Variants in SGCZ observed in about 807,000 individuals in gnomAD.
The protein encoded by SGCZ is zeta-sarcoglycan.
A neutral mutation model predicts 41.3 loss-of-function variants in SGCZ; 40 were observed. The ratio of observed to expected loss-of-function variants is 0.97; its 90% CI spans 0.75 to 1.26. The LOEUF (loss-of-function observed/expected upper bound fraction) is 1.26, where lower values mean the gene tolerates loss of function less well. SGCZ is among the 50% of genes most tolerant of loss of function. The probability of loss-of-function intolerance (pLI) is 0.00; values close to 1 mark genes in which losing one functional copy is unlikely to be tolerated. For missense variants in SGCZ, 552 were observed against 369.8 expected (o/e 1.49, Z -4.04); for synonymous variants, 206 against 137.5 (o/e 1.50, Z -3.49).
intron 2 of SGCZ, among the ~76,000 whole-genome samples, chr8:14,408,864 T>C (rs1009002802): frequency 6.6e-6 from 1 of 152,240 alleles, no homozygotes; most frequent in African/African-American, 2.4e-5. Flanking sequence ...AGACCTTCTC[T>C]GAATTTTACT....
At chr8:14,838,102 T>A (rs562944356) in intron 1 of SGCZ, among the ~76,000 whole-genome samples, 109 of 152,248 alleles carry the variant, frequency 7.2e-4, no homozygotes, top group Non-Finnish European at 1.3e-3. Flanking sequence ...GAAAGTTAAA[T>A]CTCATGTTCT....
chr8:14,933,435 T>TA, intron 1 of SGCZ, among the ~76,000 whole-genome samples: 1 of 138,294 alleles, frequency 7.2e-6, no homozygotes, highest in East Asian at 2.0e-4. Context: ...TTTTTTCTTT[T>TA]TTTTTTTTTT....
rs527684188 is a variant in SGCZ, at chr8:14,093,810, C to G, written c.745-3173G>C. 2.0e-5 allele frequency among the ~76,000 whole-genome samples: 3 copies of G among 152,212 alleles called. No homozygotes were observed. In the South Asian group the frequency reaches 6.2e-4, roughly 32 times the overall value. On this transcript the variant is annotated intron_variant, in intron 7 of 7. Coordinates refer to ENST00000382080, the MANE Select transcript of SGCZ (RefSeq NM_139167.4). ...CTTGGAAATAACTTTTCTAAACACT[C>G]TATTAAAATAATGCTAATCTTTCTT...
chr8:14,090,609 A>G lies in SGCZ; in HGVS notation c.773T>C (p.Leu258Pro), dbSNP rs1400141014. Residue 258 changes from leucine (L) to proline (P), a missense_variant, in exon 8 of 8, where the codon CTG (leucine) becomes CCG (proline). Transcript: ENST00000382080. ...EIFLNAETIK[L>P]GNLPTGSFSS... ...GAAGGAGCCAGTTGGTAGATTTCCC[A>G]GCTTGATTGTCTCTGCATTTAAAAA... 1.2e-6 allele frequency: 2 copies of G among 1,611,844 alleles called. No homozygotes were observed. The highest frequency in any genetic ancestry group is 1.7e-6 in the Non-Finnish European group (2 of 1,179,162).
At chr8:14,843,134 C>T (rs1210447491) in intron 1 of SGCZ, among the ~76,000 whole-genome samples, 1 of 152,142 alleles carries the variant, frequency 6.6e-6, no homozygotes. Flanking sequence ...ATTGCTTGAA[C>T]CCAGGAGGTG....
At chr8:14,307,390 G>T (rs770568859) in intron 3 of SGCZ, among the ~76,000 whole-genome samples, 2 of 152,102 alleles carry the variant, frequency 1.3e-5, no homozygotes, top group Non-Finnish European at 2.9e-5. Context: ...ATGATGAAAA[G>T]AATATAAATG....
At position 14,090,367 on chromosome 8, in the gene SGCZ, A is replaced by G. The variant is rs911521525; in HGVS notation, c.*76T>C. 3.3e-6 allele frequency: 5 copies of G among 1,500,416 alleles called. No homozygotes were observed. Among genetic ancestry groups the G allele is most frequent in the South Asian group, 1.3e-5 (1 of 76,956 alleles). 92.9% of individuals were successfully genotyped at this position (1,500,416 alleles called of 1,614,324 possible). A position where few individuals can be genotyped will look rare whatever the true frequency, so the allele number is the denominator to read the frequency against. On this transcript the variant is annotated 3_prime_UTR_variant, in exon 8 of 8. Coordinates refer to ENST00000382080, the MANE Select transcript of SGCZ (RefSeq NM_139167.4). The stretch of plus-strand genomic sequence containing the variant: ...TCGAAGAAGCTCTGGACTGATCACA[A>G]GGGAAACCGAGCAGAACTGTGAAGC...
chr8:15,198,992 T>G (rs1454555167), intron 1 of SGCZ, among the ~76,000 whole-genome samples: 2 of 152,196 alleles, frequency 1.3e-5, no homozygotes, highest in African/African-American at 4.8e-5. Context: ...GTAACTGAAA[T>G]TTTATCTTGT....
intron 7 of SGCZ, among the ~76,000 whole-genome samples, chr8:14,099,948 C>A (rs919095719): frequency 1.7e-5 from 1 of 57,548 alleles, no homozygotes; most frequent in African/African-American, 3.9e-5. Context: ...TACATTTCAT[C>A]CATCATTTCA....
intron 1 of SGCZ, among the ~76,000 whole-genome samples, chr8:14,748,503 T>C (rs1343880780): frequency 6.6e-6 from 1 of 152,158 alleles, no homozygotes; most frequent in Non-Finnish European, 1.5e-5. Context: ...TGTGACACCA[T>C]AAGGACTCCC....
intron 2 of SGCZ, among the ~76,000 whole-genome samples, chr8:14,354,020 G>A (rs964532850): frequency 6.6e-6 from 1 of 151,942 alleles, no homozygotes; most frequent in Non-Finnish European, 1.5e-5. Context: ...CTCAACAATT[G>A]TATTAATTGT....
chr8:14,442,244 A>G (rs945467090), intron 2 of SGCZ, among the ~76,000 whole-genome samples: 8 of 152,300 alleles, frequency 5.3e-5, no homozygotes, highest in African/African-American at 1.7e-4. Flanking sequence ...GAATCATGAG[A>G]TCCGGTCTTG....
chr8:15,082,956 C>T (rs976824443), intron 1 of SGCZ, among the ~76,000 whole-genome samples: 2 of 150,696 alleles, frequency 1.3e-5, no homozygotes, highest in African/African-American at 5.0e-5. Flanking sequence ...GATCAAAGCA[C>T]TAGATTTCAC....
intron 1 of SGCZ, among the ~76,000 whole-genome samples, chr8:14,952,516 T>C (rs1024658381): frequency 6.6e-6 from 1 of 152,170 alleles, no homozygotes; most frequent in African/African-American, 2.4e-5. Context: ...TTAACCTTTG[T>C]TCGATAATGT....
At chr8:14,988,529 C>G (rs1385500095) in intron 1 of SGCZ, among the ~76,000 whole-genome samples, 2 of 151,914 alleles carry the variant, frequency 1.3e-5, no homozygotes, top group South Asian at 2.1e-4. Context: ...TGTTTTCCTT[C>G]CCTTTACTAT....
chr8:14,988,291 C>T (rs952377043), intron 1 of SGCZ, among the ~76,000 whole-genome samples: 1 of 151,796 alleles, frequency 6.6e-6, no homozygotes, highest in Non-Finnish European at 1.5e-5. Flanking sequence ...AAAGGACAAA[C>T]ATGCTAAGAA....
At chr8:14,337,412 G>T (rs1209966504) in intron 2 of SGCZ, among the ~76,000 whole-genome samples, 1 of 152,062 alleles carries the variant, frequency 6.6e-6, no homozygotes, top group African/African-American at 2.4e-5. Flanking sequence ...ATTTTCTGAG[G>T]GTGCTTGATC....
chr8:15,083,483 CAT>C (rs1222858312), intron 1 of SGCZ, among the ~76,000 whole-genome samples: 1 of 152,118 alleles, frequency 6.6e-6, no homozygotes, highest in Non-Finnish European at 1.5e-5. Context: ...ATCTAGTTAA[CAT>C]ATGTGTTTAC....
intron 3 of SGCZ, among the ~76,000 whole-genome samples, chr8:14,257,498 T>A (rs1035966322): frequency 6.6e-6 from 1 of 151,326 alleles, no homozygotes; most frequent in Non-Finnish European, 1.5e-5. Flanking sequence ...ATTTTTTTTT[T>A]ATACTTTTAG....
Sources: allele counts gnomAD v4.1 joint callset (sites outside exome capture counted in the v4.1 genomes callset), GRCh38; gene constraint gnomAD v4.1.1; transcripts MANE v1.5; gene names NCBI Gene and HGNC (gene_info 2026-07-23, HGNC 2026-07-21).